TRIO: variants seen among roughly 807,000 people sequenced by gnomAD.
The protein encoded by TRIO is triple functional domain protein.
A neutral mutation model predicts 351.9 loss-of-function variants in TRIO; 58 were observed. The ratio of observed to expected loss-of-function variants is 0.16; its 90% CI spans 0.13 to 0.21. The LOEUF (loss-of-function observed/expected upper bound fraction) is 0.21. Ranked by LOEUF, TRIO falls within the 10% of genes least tolerant of loss-of-function variation. The pLI, the probability that TRIO is intolerant of heterozygous loss-of-function variation, is 1.00. For missense variants in TRIO, 3,201 were observed against 4,027.8 expected (o/e 0.79, Z 5.56); for synonymous variants, 1,758 against 1,595.7 (o/e 1.10, Z -2.42).
intron 3 of TRIO, 78 bp downstream of exon 3, chr5:14,280,514 C>A: frequency 1.5e-6 from 2 of 1,292,932 alleles, no homozygotes; most frequent in Non-Finnish European, 2.2e-6. Context: ...TAGAAATCAG[C>A]TAAATTGTAG....
intron 34 of TRIO, among the ~76,000 whole-genome samples, chr5:14,431,928 A>G (rs1249129881): frequency 2.0e-5 from 3 of 152,210 alleles, no homozygotes; most frequent in African/African-American, 7.2e-5. Context: ...AGGTTGGATC[A>G]GCACCCACCC....
At chr5:14,397,604 A>G (rs2152372339) in intron 29 of TRIO, among the ~76,000 whole-genome samples, 1 of 152,358 alleles carries the variant, frequency 6.6e-6, no homozygotes, top group Non-Finnish European at 1.5e-5. Flanking sequence ...AGAGAAAATT[A>G]GATAAATATG....
rs537556672 is a variant in TRIO at position 14,271,387 on chromosome 5, C to T, written c.232+488C>T. Among the ~76,000 whole-genome samples, 3 of 152,280 alleles carry T rather than the reference C, an allele frequency of 2.0e-5. No homozygotes were observed. In the East Asian group the frequency reaches 5.8e-4, roughly 29 times the overall value. ...GTCATGGAGTAACTAGGACCCATGT[C>T]ATGGACGATGAAGCCCTGGTGATTT... is the stretch of plus-strand genomic sequence containing the variant. On this transcript the variant is annotated intron_variant, in intron 2 of 56. Coordinates refer to ENST00000344204, the MANE Select transcript of TRIO (RefSeq NM_007118.4).
At chr5:14,263,206 C>A (rs1040030374) in intron 1 of TRIO, among the ~76,000 whole-genome samples, 10 of 152,142 alleles carry the variant, frequency 6.6e-5, no homozygotes, top group Admixed American at 6.5e-4. Context: ...TGCTTTCTTT[C>A]CCAAACAGGC....
intron 6 of TRIO, among the ~76,000 whole-genome samples, chr5:14,296,409 G>A (rs1235264781): frequency 6.6e-6 from 1 of 152,196 alleles, no homozygotes; most frequent in Non-Finnish European, 1.5e-5. Flanking sequence ...AAAAGGGTGG[G>A]TTTTTAAAAT....
chr5:14,395,923 G>A (rs533209594), intron 28 of TRIO, among the ~76,000 whole-genome samples: 1 of 151,896 alleles, frequency 6.6e-6, no homozygotes, highest in East Asian at 1.9e-4. Flanking sequence ...GCGGGCGCCT[G>A]TAGTCCCAGC....
Position 14,479,932 on chromosome 5 carries a change from G to A in TRIO, c.6257G>A (p.Arg2086His), listed in dbSNP as rs752936485. 21 of 1,613,894 alleles carry A rather than the reference G, an allele frequency of 1.3e-5. No individual in the cohort carries two copies. The highest frequency in any genetic ancestry group is 6.6e-5 in the South Asian group (6 of 91,060). The change falls in exon 43 of 57, where the codon CGT (arginine) becomes CAT (histidine). Residue 2086 changes from arginine to histidine, a missense_variant. Coordinates refer to ENST00000344204, the MANE Select transcript of TRIO (RefSeq NM_007118.4). ...TTAAAACTGTAGGACTTAAAGCAGCGTCTTGGCCACAGGTTACAGCTCACA... is the reference window on the plus strand; with the variant it reads ...TTAAAACTGTAGGACTTAAAGCAGCATCTTGGCCACAGGTTACAGCTCACA... ...IDTFFEDLKQ[R>H]LGHRLQLTDL...
intron 48 of TRIO, among the ~76,000 whole-genome samples, chr5:14,489,841 C>G (rs1045146393): frequency 2.0e-5 from 3 of 152,216 alleles, no homozygotes; most frequent in African/African-American, 7.2e-5. Context: ...CTTTTGCTTT[C>G]TCTCTTTCTC....
Position 14,290,805 on chromosome 5 carries a change from C to T in TRIO, c.630C>T (p.His210=), listed in dbSNP as rs767420232. ...TTGATGGCTGCCTGGAATACAACCA[C>T]GAAGAATGGATTGAAATCAGAGTTG... The part of the protein sequence containing the change: ...PEFDGCLEYN[H]EEWIEIRVAF... Residue 210 remains histidine (H), a synonymous_variant, in exon 5 of 57, where the codon CAC becomes CAT. Coordinates refer to ENST00000344204, the MANE Select transcript of TRIO (RefSeq NM_007118.4). The T allele has an allele frequency of 1.4e-5, 23 of 1,613,930 alleles. No homozygotes were observed. Among genetic ancestry groups the T allele is most frequent in the African/African-American group, 5.3e-5 (4 of 74,874 alleles).
chr5:14,418,051 G>GAC (rs1285009728), intron 33 of TRIO, among the ~76,000 whole-genome samples: 1 of 152,296 alleles, frequency 6.6e-6, no homozygotes, highest in South Asian at 2.1e-4. Flanking sequence ...GATGAAGGCA[G>GAC]ACACACACAC....
At chr5:14,389,233 G>A in intron 24 of TRIO, 56 bp from the exon 25 acceptor site, 1 of 1,381,662 alleles carries the variant, frequency 7.2e-7, no homozygotes. Context: ...AGAAACAGCT[G>A]TTTCTTGAAA....
rs779130565 is a variant in TRIO, at chr5:14,378,155, C to A, written c.3447+28C>A. ...CAGTGCACACCTGGTGCCCAGCCTC[C>A]CCCTAAACTCCCGTGCTCACACCTG... is the stretch of plus-strand genomic sequence containing the variant. On this transcript the variant is annotated intron_variant, in intron 20 of 56. Transcript: ENST00000344204. The A allele has an allele frequency of 7.8e-6, 12 of 1,535,852 alleles. No homozygotes were observed. In the East Asian group the frequency reaches 2.7e-4, roughly 35 times the overall value.
At chr5:14,292,939 G>T in intron 5 of TRIO, 73 bp from the exon 6 acceptor site, 1 of 1,604,098 alleles carries the variant, frequency 6.2e-7, no homozygotes, top group South Asian at 1.1e-5. Context: ...TCTTGGTACT[G>T]CCCCATCTGT....
At chr5:14,433,329 A>T (rs545451404) in intron 34 of TRIO, among the ~76,000 whole-genome samples, 2 of 152,326 alleles carry the variant, frequency 1.3e-5, no homozygotes, top group Admixed American at 1.3e-4. Context: ...CCTGTGCTGA[A>T]TGGAGCCCTA....
Position 14,350,811 on chromosome 5 carries a change from C to T in TRIO, c.2047-7367C>T, listed in dbSNP as rs889126587. Reference sequence around the variant, plus strand: ...TAAATTTTCTTTGATCATATTAAGGCGGCGGTCCCCAGGGACCGGTTTTGT... The same window carrying T: ...TAAATTTTCTTTGATCATATTAAGGTGGCGGTCCCCAGGGACCGGTTTTGT... On this transcript the variant is annotated intron_variant, in intron 11 of 56. Coordinates refer to ENST00000344204, the MANE Select transcript of TRIO (RefSeq NM_007118.4). Among the ~76,000 whole-genome samples, 86 of 152,088 alleles carry T rather than the reference C, an allele frequency of 5.7e-4. 1 individual carries two copies. The highest frequency in any genetic ancestry group is 9.1e-4 in the Non-Finnish European group (62 of 67,996).
At chr5:14,310,716 T>C (rs1738845893) in intron 8 of TRIO, among the ~76,000 whole-genome samples, 1 of 152,212 alleles carries the variant, frequency 6.6e-6, no homozygotes, top group African/African-American at 2.4e-5. Context: ...AGTGGAGTCT[T>C]CTTCTGTTGC....
At position 14,439,676 on chromosome 5, in the gene TRIO, T is replaced by C. The variant is rs139212625; in HGVS notation, c.5203+19655T>C. Among the ~76,000 whole-genome samples, 354 of 152,288 alleles carry C rather than the reference T, an allele frequency of 2.3e-3. 2 individuals carry two copies. Among genetic ancestry groups the C allele is most frequent in the Non-Finnish European group, 3.6e-3 (248 of 68,004 alleles). ...CTTCTCTTACATAAAATGTGCTCTGTGCAGAACTCTGCCTCTCGCTGGGTC... is the reference window on the plus strand; with the variant it reads ...CTTCTCTTACATAAAATGTGCTCTGCGCAGAACTCTGCCTCTCGCTGGGTC... On this transcript the variant is annotated intron_variant, in intron 34 of 56. Coordinates refer to ENST00000344204, the MANE Select transcript of TRIO (RefSeq NM_007118.4).
At chr5:14,146,377 G>A (rs1787524452) in intron 1 of TRIO, among the ~76,000 whole-genome samples, 1 of 152,198 alleles carries the variant, frequency 6.6e-6, no homozygotes, top group Admixed American at 6.5e-5. Flanking sequence ...ACCTGACTTA[G>A]ACAAAGGCTT....
At chr5:14,364,873 C>T (rs1015806520) in intron 15 of TRIO, 57 bp downstream of exon 15, 38 of 1,533,574 alleles carry the variant, frequency 2.5e-5, no homozygotes, top group East Asian at 2.1e-4. Context: ...GATACCTCAT[C>T]GACTTCCCGG....
Sources: gnomAD v4.1 joint callset for allele counts (sites outside exome capture counted in the v4.1 genomes callset) on GRCh38, gnomAD v4.1.1 for gene constraint, MANE v1.5 for transcripts, NCBI Gene and HGNC (gene_info 2026-07-23, HGNC 2026-07-21) for gene names.